The following FHIT variants were observed in gnomAD, a reference collection of about 807,000 sequenced individuals.
FHIT encodes fragile histidine triad diadenosine triphosphatase, also known as bis(5'-adenosyl)-triphosphatase.
A neutral mutation model predicts 17.9 loss-of-function variants in FHIT; 19 were observed. The observed-to-expected ratio is 1.06, with a 90% CI of 0.74 to 1.56. FHIT has a LOEUF of 1.56. Ranked by LOEUF, FHIT falls within the 40% of genes most tolerant of loss-of-function variation. The pLI is 0.00. For synonymous variants in FHIT, 81 were observed against 69.7 expected, an observed-to-expected ratio of 1.16 and a Z score of -0.81; for missense variants, 248 against 189.2, an observed-to-expected ratio of 1.31 and a Z score of -1.82.
intron 8 of FHIT, among the ~76,000 whole-genome samples, chr3:59,904,430 C>A (rs1274982567): frequency 6.6e-6 from 1 of 151,898 alleles, no homozygotes; most frequent in Non-Finnish European, 1.5e-5. Context: ...CTGTCAGAAA[C>A]AGATTGGAGA....
intron 5 of FHIT, among the ~76,000 whole-genome samples, chr3:60,443,284 C>T (rs2031057053): frequency 6.6e-6 from 1 of 152,154 alleles, no homozygotes; most frequent in Non-Finnish European, 1.5e-5. Context: ...CTGCTGATTG[C>T]CCTGGCCAGA....
intron 4 of FHIT, among the ~76,000 whole-genome samples, chr3:60,678,406 G>A (rs1351528917): frequency 6.6e-6 from 1 of 152,038 alleles, no homozygotes; most frequent in Non-Finnish European, 1.5e-5. Flanking sequence ...TTATTATAGA[G>A]GTCAATTCAT....
At chr3:59,785,492 G>A (rs1460456281) in intron 8 of FHIT, among the ~76,000 whole-genome samples, 3 of 151,780 alleles carry the variant, frequency 2.0e-5, no homozygotes, top group Non-Finnish European at 4.4e-5. Flanking sequence ...GTATTTTTTG[G>A]TAGACGTGGG....
At chr3:59,927,118 A>G (rs1705700538) in intron 7 of FHIT, among the ~76,000 whole-genome samples, 1 of 151,890 alleles carries the variant, frequency 6.6e-6, no homozygotes, top group African/African-American at 2.4e-5. Context: ...GTATATGAAG[A>G]CAATAGGATA....
intron 3 of FHIT, among the ~76,000 whole-genome samples, chr3:60,923,771 C>T (rs1707416447): frequency 6.6e-6 from 1 of 152,060 alleles, no homozygotes; most frequent in African/African-American, 2.4e-5. Context: ...ATCATCTCAC[C>T]CGAGAAGCAC....
At chr3:60,468,134 CA>C (rs1355014845) in intron 5 of FHIT, among the ~76,000 whole-genome samples, 1 of 151,978 alleles carries the variant, frequency 6.6e-6, no homozygotes, top group African/African-American at 2.4e-5. Flanking sequence ...TTTCTATTTT[CA>C]TGCAACATCT....
intron 2 of FHIT, among the ~76,000 whole-genome samples, chr3:61,128,035 A>G (rs1314653651): frequency 2.0e-5 from 3 of 152,266 alleles, no homozygotes; most frequent in African/African-American, 7.2e-5. Context: ...ACAATACACT[A>G]GATTTCAAAT....
chr3:60,655,845 G>A (rs1351086215), intron 4 of FHIT, among the ~76,000 whole-genome samples: 6 of 152,118 alleles, frequency 3.9e-5, no homozygotes, highest in African/African-American at 1.4e-4. Flanking sequence ...GCACAGCTAG[G>A]TACATTTCCC....
At chr3:60,621,469 C>T (rs547207710) in intron 4 of FHIT, among the ~76,000 whole-genome samples, 136 of 152,040 alleles carry the variant, frequency 8.9e-4, no homozygotes, top group African/African-American at 3.1e-3. Context: ...TTTTAATATG[C>T]TTACTATTAC....
intron 8 of FHIT, among the ~76,000 whole-genome samples, chr3:59,840,701 C>G (rs919248766): frequency 6.6e-6 from 1 of 152,066 alleles, no homozygotes; most frequent in Admixed American, 6.6e-5. Flanking sequence ...CTCAACGTCC[C>G]CAGTACATAT....
At chr3:60,825,253 G>A (rs1364346154) in intron 3 of FHIT, among the ~76,000 whole-genome samples, 2 of 152,062 alleles carry the variant, frequency 1.3e-5, no homozygotes, top group Non-Finnish European at 2.9e-5. Context: ...TATTAAATCA[G>A]TATAACAAAA....
At chr3:61,108,726 T>C (rs1287827620) in intron 2 of FHIT, among the ~76,000 whole-genome samples, 2 of 152,220 alleles carry the variant, frequency 1.3e-5, no homozygotes, top group East Asian at 1.9e-4. Context: ...CTATTTGCTA[T>C]TGCCAAAACT....
chr3:60,970,212 C>G (rs1709944695), intron 3 of FHIT, among the ~76,000 whole-genome samples: 1 of 152,140 alleles, frequency 6.6e-6, no homozygotes. Flanking sequence ...GTATATTTCT[C>G]TTTTTCAGTG....
chr3:60,094,078 TA>T (rs936305702), intron 5 of FHIT, among the ~76,000 whole-genome samples: 1 of 151,424 alleles, frequency 6.6e-6, no homozygotes, highest in Admixed American at 6.6e-5. Flanking sequence ...AACCAAAATT[TA>T]AAAAAAAATA....
At chr3:61,228,136 TA>T (rs2040015030) in intron 1 of FHIT, among the ~76,000 whole-genome samples, 1 of 151,652 alleles carries the variant, frequency 6.6e-6, no homozygotes, top group Admixed American at 6.6e-5. Flanking sequence ...CACATTGGCA[TA>T]AGAATTATTT....
chr3:59,814,081 G>A (rs1428726302), intron 8 of FHIT, among the ~76,000 whole-genome samples: 1 of 113,974 alleles, frequency 8.8e-6, no homozygotes, highest in Non-Finnish European at 1.9e-5. Context: ...CACACCCGAC[G>A]GTGAATTATT....
intron 8 of FHIT, among the ~76,000 whole-genome samples, chr3:59,777,624 T>A (rs1371745149): frequency 6.6e-6 from 1 of 152,192 alleles, no homozygotes; most frequent in Non-Finnish European, 1.5e-5. Flanking sequence ...CACTTTTACC[T>A]CTCTTTAATC....
chr3:59,857,171 G>A (rs534362063), intron 8 of FHIT, among the ~76,000 whole-genome samples: 1 of 152,280 alleles, frequency 6.6e-6, no homozygotes, highest in South Asian at 2.1e-4. Flanking sequence ...AGGGGAAGCA[G>A]TTTTCAAGTT....
chr3:59,905,927 T>C (rs553952641), intron 8 of FHIT, among the ~76,000 whole-genome samples: 4 of 152,278 alleles, frequency 2.6e-5, no homozygotes, highest in African/African-American at 7.2e-5. Flanking sequence ...GAAATGCAAA[T>C]AACAGTGCTT....
Sources: allele counts gnomAD v4.1 joint callset (sites outside exome capture counted in the v4.1 genomes callset), GRCh38; gene constraint gnomAD v4.1.1; transcripts MANE v1.5; gene names NCBI Gene and HGNC (gene_info 2026-07-23, HGNC 2026-07-21).